Variants in CUBN observed in about 807,000 individuals in gnomAD.
CUBN encodes the protein 460 kDa receptor.
A neutral mutation model predicts 405.3 loss-of-function variants in CUBN; 282 were observed. The observed-to-expected ratio is 0.70, with a 90% CI of 0.63 to 0.77. The LOEUF (loss-of-function observed/expected upper bound fraction) is 0.77, where lower values mean the gene tolerates loss of function less well. Ranked by LOEUF, CUBN falls within the 30% of genes least tolerant of loss-of-function variation. CUBN has a pLI of 0.00. For synonymous variants in CUBN, 1,684 were observed against 1,617.0 expected, an observed-to-expected ratio of 1.04 and a Z score of -0.99; for missense variants, 4,514 against 4,475.2, an observed-to-expected ratio of 1.01 and a Z score of -0.25.
intron 27 of CUBN, among the ~76,000 whole-genome samples, chr10:17,040,488 T>A (rs1345155893): frequency 6.6e-6 from 1 of 152,154 alleles, no homozygotes; most frequent in Non-Finnish European, 1.5e-5. Context: ...ATATTCAAGG[T>A]TGCCTAATAT....
intron 14 of CUBN, among the ~76,000 whole-genome samples, chr10:17,098,471 T>C (rs1836425950): frequency 6.6e-6 from 1 of 152,218 alleles, no homozygotes; most frequent in African/African-American, 2.4e-5. Flanking sequence ...GCTAACATCA[T>C]ATTCAACAAT....
In CUBN at chr10:16,918,049, A is replaced by T. The variant is rs140450765; in HGVS notation, c.7000+573T>A. Among the ~76,000 whole-genome samples the T allele has an allele frequency of 6.3e-3, 955 of 152,244 alleles. 11 individuals are homozygous for T. The highest frequency in any genetic ancestry group is 0.021 in the African/African-American group (869 of 41,536). On this transcript the variant is annotated intron_variant, in intron 45 of 66. Transcript: ENST00000377833. ...CCCAGCATCATTTATTGGATAGGGA[A>T]TCTTTTCCCTATTGCTTGCTTTTGT...
At chr10:16,883,052 G>A (rs1048961042) in intron 56 of CUBN, among the ~76,000 whole-genome samples, 2 of 151,240 alleles carry the variant, frequency 1.3e-5, no homozygotes, top group Non-Finnish European at 3.0e-5. Context: ...GAAAAAGAAG[G>A]AAGGAAGGAA....
intron 63 of CUBN, 64 bp downstream of exon 63, chr10:16,836,171 T>C: frequency 6.9e-7 from 1 of 1,444,618 alleles, no homozygotes; most frequent in Non-Finnish European, 9.7e-7. Flanking sequence ...TAATTGTAAT[T>C]ATTCTACGAA....
At chr10:16,965,850 C>G (rs1029066661) in intron 31 of CUBN, 21 of 405,882 alleles carry the variant, frequency 5.2e-5, no homozygotes, top group Non-Finnish European at 6.0e-5. Flanking sequence ...TTGATTCTTA[C>G]AGTTCCACTT....
rs1001604388 is a variant in CUBN at position 17,018,158 on chromosome 10, C to T, written c.4168+1675G>A. Among the ~76,000 whole-genome samples the T allele has an allele frequency of 3.1e-4, 47 of 152,198 alleles. 6 individuals carry two copies. Among genetic ancestry groups the T allele is most frequent in the Admixed American group, 1.8e-3 (28 of 15,292 alleles). On this transcript the variant is annotated intron_variant, in intron 28 of 66. Coordinates refer to ENST00000377833, the MANE Select transcript of CUBN (RefSeq NM_001081.4). Reference sequence around the variant, plus strand: ...CCTGACACCCGTGTCTTTAGTCTGGCGGCCATGCTAGTCACTTTTAACTGG... The same window carrying T: ...CCTGACACCCGTGTCTTTAGTCTGGTGGCCATGCTAGTCACTTTTAACTGG...
intron 49 of CUBN, among the ~76,000 whole-genome samples, chr10:16,906,611 A>G (rs1841564089): frequency 6.6e-6 from 1 of 152,230 alleles, no homozygotes; most frequent in Admixed American, 6.5e-5. Flanking sequence ...GCAAAAATCA[A>G]CAACTTCTCT....
intron 27 of CUBN, among the ~76,000 whole-genome samples, chr10:17,020,196 T>C (rs1482730746): frequency 6.6e-6 from 1 of 152,144 alleles, no homozygotes; most frequent in Non-Finnish European, 1.5e-5. Flanking sequence ...CTAAGCCCAA[T>C]AAATTTGGAA....
At chr10:16,874,605 G>A in intron 57 of CUBN, 102 bp from the exon 58 acceptor site, 1 of 1,413,746 alleles carries the variant, frequency 7.1e-7, no homozygotes, top group Non-Finnish European at 9.9e-7. Flanking sequence ...TTCCCTAAAA[G>A]AGGTAATAAT....
intron 22 of CUBN, among the ~76,000 whole-genome samples, chr10:17,052,037 A>G (rs1171045237): frequency 6.7e-6 from 1 of 148,168 alleles, no homozygotes; most frequent in East Asian, 2.0e-4. Flanking sequence ...AAAACACAGA[A>G]GCCAGTTGGG....
chr10:17,099,564 T>G (rs906355473), intron 14 of CUBN, among the ~76,000 whole-genome samples: 2 of 152,152 alleles, frequency 1.3e-5, no homozygotes, highest in East Asian at 1.9e-4. Flanking sequence ...TTAAAGTAAT[T>G]ATGGTTGGTC....
intron 29 of CUBN, among the ~76,000 whole-genome samples, chr10:16,989,066 C>G (rs1833507799): frequency 6.6e-6 from 1 of 152,116 alleles, no homozygotes; most frequent in South Asian, 2.1e-4. Flanking sequence ...TTGCCAGGTA[C>G]TCTGTGGAGC....
At chr10:16,865,051 C>G (rs1300625838) in intron 59 of CUBN, among the ~76,000 whole-genome samples, 1 of 143,270 alleles carries the variant, frequency 7.0e-6, no homozygotes, top group Non-Finnish European at 1.5e-5. Flanking sequence ...TCACTGCAAC[C>G]TCTGCCTCCT....
At chr10:16,843,806 A>G (rs1342760026) in intron 60 of CUBN, among the ~76,000 whole-genome samples, 1 of 152,214 alleles carries the variant, frequency 6.6e-6, no homozygotes, top group Non-Finnish European at 1.5e-5. Flanking sequence ...ATACAAATAC[A>G]TATATTTGTG....
chr10:16,866,453 A>C (rs1840186297), intron 59 of CUBN, among the ~76,000 whole-genome samples: 1 of 152,204 alleles, frequency 6.6e-6, no homozygotes, highest in South Asian at 2.1e-4. Flanking sequence ...AGGGGCAGCA[A>C]CTAAACTAGC....
intron 41 of CUBN, 56 bp downstream of exon 41, chr10:16,928,101 G>T: frequency 6.4e-7 from 1 of 1,568,766 alleles, no homozygotes; most frequent in Non-Finnish European, 8.8e-7. Context: ...GAGAAAGAGA[G>T]AGGAAAAGAG....
At chr10:17,059,190 A>C (rs1835454459) in intron 22 of CUBN, among the ~76,000 whole-genome samples, 1 of 152,096 alleles carries the variant, frequency 6.6e-6, no homozygotes, top group African/African-American at 2.4e-5. Flanking sequence ...AAAATCACAA[A>C]ACTAGACTTT....
chr10:17,020,104 G>A, intron 27 of CUBN, 121 bp from the exon 28 acceptor site: 1 of 1,030,408 alleles, frequency 9.7e-7, no homozygotes, highest in Non-Finnish European at 1.5e-6. Context: ...AATCTGCTGA[G>A]GTGGGTTGAG....
chr10:17,028,486 C>T (rs1322134911), intron 27 of CUBN, among the ~76,000 whole-genome samples: 3 of 151,624 alleles, frequency 2.0e-5, no homozygotes, highest in Non-Finnish European at 4.4e-5. Flanking sequence ...TTTGGGAGGC[C>T]GAAGTGGGTG....
Sources: gnomAD v4.1 joint callset for allele counts (sites outside exome capture counted in the v4.1 genomes callset) on GRCh38, gnomAD v4.1.1 for gene constraint, MANE v1.5 for transcripts, NCBI Gene and HGNC (gene_info 2026-07-23, HGNC 2026-07-21) for gene names.